The following DLGAP1 variants were observed in gnomAD, a reference collection of about 807,000 sequenced individuals.
DLGAP1 encodes DLG associated protein 1.
Under a neutral mutation model 90.8 loss-of-function variants are expected in DLGAP1, and 11 were observed. The ratio of observed to expected loss-of-function variants is 0.12; its 90% CI spans 0.08 to 0.20. DLGAP1 has a LOEUF of 0.20. DLGAP1 is among the 10% of genes least tolerant of loss of function. The pLI is 1.00. For synonymous variants in DLGAP1, 558 were observed against 540.7 expected, an observed-to-expected ratio of 1.03 and a Z score of -0.44; for missense variants, 1,050 against 1,333.8, an observed-to-expected ratio of 0.79 and a Z score of 3.31.
intron 7 of DLGAP1, among the ~76,000 whole-genome samples, chr18:3,677,915 TC>T (rs1448528864): frequency 1.4e-5 from 2 of 145,316 alleles, no homozygotes; most frequent in African/African-American, 5.1e-5. Context: ...TGCCTCAGCC[TC>T]CCAAAGTGCT....
intron 2 of DLGAP1, among the ~76,000 whole-genome samples, chr18:4,050,319 C>T (rs1175846943): frequency 6.6e-6 from 1 of 152,198 alleles, no homozygotes; most frequent in Non-Finnish European, 1.5e-5. Context: ...ACATTATACA[C>T]ATATTTACGT....
chr18:4,093,146 G>A (rs1022410793), intron 2 of DLGAP1, among the ~76,000 whole-genome samples: 1 of 152,050 alleles, frequency 6.6e-6, no homozygotes, highest in Non-Finnish European at 1.5e-5. Context: ...TATTGTATGT[G>A]TATGTATGTA....
At chr18:4,114,974 T>C (rs571822527) in intron 2 of DLGAP1, among the ~76,000 whole-genome samples, 18 of 152,164 alleles carry the variant, frequency 1.2e-4, no homozygotes, top group Non-Finnish European at 1.8e-4. Flanking sequence ...TAATCTGTCA[T>C]TGTTTTTATT....
chr18:3,607,840 T>C (rs2145849277), intron 7 of DLGAP1: 1 of 152,298 alleles, frequency 6.6e-6, no homozygotes, highest in South Asian at 2.1e-4. Flanking sequence ...TCCCTACACG[T>C]GGAGGCTGAA....
At chr18:4,419,306 A>G (rs1411126105) in intron 1 of DLGAP1, among the ~76,000 whole-genome samples, 1 of 152,144 alleles carries the variant, frequency 6.6e-6, no homozygotes, top group Non-Finnish European at 1.5e-5. Context: ...AACACGTGGG[A>G]ATTATGGGAG....
Position 3,534,228 on chromosome 18 carries a change from C to T in DLGAP1, c.2445G>A (p.Glu815=), listed in dbSNP as rs750675819. ...GCAGGTTGTTTTCCCGTTCTTCCCG[C>T]TCCATCTGTTGACACCACCCCTCCA... ...DRMEGWCQQM[E]REERENNLPE... is the part of the protein sequence containing the mutation. Residue 815 remains glutamate, a synonymous_variant, in exon 10 of 13, where the codon GAG becomes GAA. Coordinates refer to ENST00000315677, the MANE Select transcript of DLGAP1 (RefSeq NM_004746.4). 1.9e-6 allele frequency: 3 copies of T among 1,614,180 alleles called. No homozygotes were observed. In the South Asian group the frequency reaches 3.3e-5, roughly 18 times the overall value.
chr18:4,041,944 G>A (rs1311167317), intron 2 of DLGAP1, among the ~76,000 whole-genome samples: 1 of 152,140 alleles, frequency 6.6e-6, no homozygotes, highest in Non-Finnish European at 1.5e-5. Flanking sequence ...ACCGGGCTGT[G>A]GGCAGAGATA....
intron 7 of DLGAP1, among the ~76,000 whole-genome samples, chr18:3,643,353 C>A (rs2059005858): frequency 6.6e-6 from 1 of 152,004 alleles, no homozygotes; most frequent in Non-Finnish European, 1.5e-5. Flanking sequence ...AAGAAAAAGA[C>A]TAACAGTCAT....
rs1279328031 is a variant in DLGAP1 at position 3,655,167 on chromosome 18, C to T, written c.1592-72919G>A. Among the ~76,000 whole-genome samples the T allele has an allele frequency of 6.6e-5, 10 of 151,980 alleles. No individual in the cohort carries two copies. In the East Asian group the frequency reaches 7.7e-4, roughly 12 times the overall value. On this transcript the variant is annotated intron_variant, in intron 7 of 12. Transcript: ENST00000315677. ...TCTCCCTTTAAGTTGAAAACTCACC[C>T]GAAAGCCCACTACCTCTTCCATGCA...
chr18:3,526,687 T>C lies in DLGAP1; in HGVS notation c.2479+7507A>G, dbSNP rs963361680. On this transcript the variant is annotated intron_variant, in intron 10 of 12. Coordinates refer to ENST00000315677, the MANE Select transcript of DLGAP1 (RefSeq NM_004746.4). This position sits in a 1 kb window ranked among gnomAD's most constrained non-coding sequence, Gnocchi z 4.7. ...ATTTCATCTTAGGGCCATTGAAACCTGAGCCTATGTTCTTTCCCCACAGTG... is the reference window on the plus strand; with the variant it reads ...ATTTCATCTTAGGGCCATTGAAACCCGAGCCTATGTTCTTTCCCCACAGTG... Among the ~76,000 whole-genome samples the C allele has an allele frequency of 6.6e-6, 1 of 152,248 alleles. No homozygotes were observed. The highest frequency in any genetic ancestry group is 1.5e-5 in the Non-Finnish European group (1 of 68,042).
intron 3 of DLGAP1, among the ~76,000 whole-genome samples, chr18:3,897,778 ATTTTTT>A (rs869170460): frequency 0.019 from 1,757 of 94,482 alleles, 22 homozygotes; most frequent in African/African-American, 0.065. Context: ...CGAATTTCTG[ATTTTTT>A]TTTTTTTTTT....
At chr18:4,057,004 TACACACACAC>T (rs55887550) in intron 2 of DLGAP1, among the ~76,000 whole-genome samples, 6,366 of 115,004 alleles carry the variant, frequency 0.055, 163 homozygotes, top group African/African-American at 0.062. Context: ...TGACCATACA[TACACACACAC>T]ACACACACAC....
chr18:3,735,059 G>T (rs1285631437), intron 6 of DLGAP1, among the ~76,000 whole-genome samples: 1 of 152,126 alleles, frequency 6.6e-6, no homozygotes, highest in Non-Finnish European at 1.5e-5. Context: ...TTACTTAGAT[G>T]TAGTTTTTAC....
intron 2 of DLGAP1, among the ~76,000 whole-genome samples, chr18:4,121,519 A>C (rs1425148792): frequency 6.6e-6 from 1 of 151,998 alleles, no homozygotes; most frequent in Non-Finnish European, 1.5e-5. Context: ...CTCATCCTCC[A>C]CCATCCCCCA....
At chr18:3,863,087 T>G (rs1386745647) in intron 4 of DLGAP1, among the ~76,000 whole-genome samples, 1 of 152,248 alleles carries the variant, frequency 6.6e-6, no homozygotes, top group African/African-American at 2.4e-5. Flanking sequence ...ATTGAGGGAT[T>G]AATAAACAAC....
chr18:3,847,950 G>A (rs2069109257), intron 4 of DLGAP1, among the ~76,000 whole-genome samples: 1 of 151,782 alleles, frequency 6.6e-6, no homozygotes, highest in African/African-American at 2.4e-5. Context: ...GCAACAGAGT[G>A]GGACCCTGTC....
intron 1 of DLGAP1, among the ~76,000 whole-genome samples, chr18:4,445,894 A>G (rs1232980434): frequency 6.6e-6 from 1 of 152,114 alleles, no homozygotes; most frequent in Non-Finnish European, 1.5e-5. Context: ...AAAGGACATT[A>G]AAACAATTAT....
At chr18:4,449,650 A>G (rs1371045882) in intron 1 of DLGAP1, among the ~76,000 whole-genome samples, 2 of 152,156 alleles carry the variant, frequency 1.3e-5, no homozygotes, top group Non-Finnish European at 2.9e-5. Context: ...TTAGTTCTTG[A>G]TCTCACGGAA....
intron 1 of DLGAP1, among the ~76,000 whole-genome samples, chr18:4,168,962 T>C (rs1367569818): frequency 1.3e-5 from 2 of 152,232 alleles, no homozygotes; most frequent in Non-Finnish European, 2.9e-5. Context: ...TATAGACACA[T>C]GGGTTGTTTC....
Sources: allele counts gnomAD v4.1 joint callset (sites outside exome capture counted in the v4.1 genomes callset), GRCh38; gene constraint gnomAD v4.1.1; non-coding constraint Gnocchi (gnomAD v3.1); transcripts MANE v1.5; gene names NCBI Gene and HGNC (gene_info 2026-07-23, HGNC 2026-07-21).